GPR35: variants seen among roughly 807,000 people sequenced by gnomAD.
GPR35 encodes KYNA receptor.
For synonymous variants in GPR35, 207 were observed against 198.4 expected (o/e 1.04, Z -0.36); for missense variants, 372 against 422.5 (o/e 0.88, Z 1.05).
intron 2 of GPR35, among the ~76,000 whole-genome samples, chr2:240,611,002 T>C (rs942542153): frequency 6.6e-6 from 1 of 150,652 alleles, no homozygotes; most frequent in Admixed American, 6.6e-5. Context: ...GCATGAACTC[T>C]GCTCACTACA....
At position 240,629,196 on chromosome 2, in the gene GPR35, C is replaced by T. The variant is rs143121693; in HGVS notation, c.-4-753C>T. On this transcript the variant is annotated intron_variant, in intron 1 of 1. Transcript: ENST00000407714. ...GAGGATACTCAGCTCCACCCCTGGG[C>T]GGCCCCTGAGCAGCACGACTGGGCC... 7.2e-3 allele frequency: 1,094 copies of T among 152,502 alleles called. 12 individuals carry two copies. Among genetic ancestry groups the T allele is most frequent in the Non-Finnish European group, 9.3e-3 (633 of 68,202 alleles). The allele number at this position is 152,502 out of a possible 1,614,324, so 9.4% of individuals were successfully genotyped here. A position where few individuals can be genotyped will look rare whatever the true frequency, so the allele number is the denominator to read the frequency against.
chr2:240,611,682 G>A (rs890965213), intron 2 of GPR35, among the ~76,000 whole-genome samples: 1 of 152,208 alleles, frequency 6.6e-6, no homozygotes, highest in African/African-American at 2.4e-5. Context: ...GCTGGATGAT[G>A]TGGTCAGTTT....
chr2:240,624,126 G>A (rs2043341167), upstream of GPR35, among the ~76,000 whole-genome samples: 1 of 152,198 alleles, frequency 6.6e-6, no homozygotes, highest in African/African-American at 2.4e-5. Flanking sequence ...GCCGTGCCCT[G>A]CACCTCCAGT....
exon 5 of GPR35, chr2:240,618,944 T>C (rs2043265031): frequency 1.4e-6 from 1 of 702,582 alleles, no homozygotes; most frequent in East Asian, 2.7e-5. Flanking sequence ...TTGGGAGAGA[T>C]GCTGAGTGGT....
chr2:240,613,977 A>G (rs112584619), intron 2 of GPR35, among the ~76,000 whole-genome samples: 302 of 151,980 alleles, frequency 2.0e-3, no homozygotes, highest in African/African-American at 7.0e-3. Context: ...CTTAACCCTA[A>G]CCATAACACC....
upstream of GPR35, among the ~76,000 whole-genome samples, chr2:240,623,886 G>A (rs1436855095): frequency 6.6e-6 from 1 of 152,164 alleles, no homozygotes; most frequent in Non-Finnish European, 1.5e-5. Context: ...TGTGTGAGGA[G>A]CACAGGTGCC....
chr2:240,623,115 G>GT (rs2043316994), upstream of GPR35, among the ~76,000 whole-genome samples: 1 of 152,236 alleles, frequency 6.6e-6, no homozygotes, highest in South Asian at 2.1e-4. Flanking sequence ...GGCACTCGCA[G>GT]CCCCGCGGCC....
intron 2 of GPR35, among the ~76,000 whole-genome samples, chr2:240,612,000 G>A (rs1349292019): frequency 6.6e-6 from 1 of 152,048 alleles, no homozygotes; most frequent in Non-Finnish European, 1.5e-5. Flanking sequence ...GTGTCATGGA[G>A]GCCACACGAG....
chr2:240,625,886 T>C (rs1284863268), intron 1 of GPR35, among the ~76,000 whole-genome samples: 12 of 79,522 alleles, frequency 1.5e-4, no homozygotes, highest in South Asian at 4.8e-4. Context: ...GAGGCTGTGA[T>C]GGGGGTCTCA....
chr2:240,630,514 G>T lies in GPR35; in HGVS notation c.562G>T (p.Val188Phe). 1.2e-6 allele frequency: 2 copies of T among 1,612,914 alleles called. No homozygotes were observed. The highest frequency in any genetic ancestry group is 1.7e-6 in the Non-Finnish European group (2 of 1,179,962). ...ATTCTACCTGCCCCTGGCCGTGGTGGTCTTCTGCTCCCTGAAGGTGGTGAC... is the reference window on the plus strand; with the variant it reads ...ATTCTACCTGCCCCTGGCCGTGGTGTTCTTCTGCTCCCTGAAGGTGGTGAC... ...LGFYLPLAVV[V>F]FCSLKVVTAL... The change falls in exon 2 of 2, where the codon GTC (valine) becomes TTC (phenylalanine). Residue 188 changes from valine to phenylalanine, a missense_variant. Physicochemically the swap from Val to Phe is conservative, Grantham distance 50. Transcript: ENST00000407714.
chr2:240,620,097 G>A (rs190677666), intron 5 of GPR35, among the ~76,000 whole-genome samples: 12 of 152,300 alleles, frequency 7.9e-5, no homozygotes, highest in Admixed American at 5.9e-4. Flanking sequence ...AAAGCCGCTG[G>A]AAATAGCAGA....
At chr2:240,611,785 CG>C (rs1477388009) in intron 2 of GPR35, among the ~76,000 whole-genome samples, 10 of 152,112 alleles carry the variant, frequency 6.6e-5, no homozygotes, top group Non-Finnish European at 1.0e-4. Context: ...GGGCAGTGTC[CG>C]GGGCTGGAGC....
upstream of GPR35, among the ~76,000 whole-genome samples, chr2:240,622,569 A>G (rs1441634707): frequency 6.6e-6 from 1 of 152,222 alleles, no homozygotes; most frequent in African/African-American, 2.4e-5. Context: ...ATGTTTTAAG[A>G]AAGTTTACAA....
chr2:240,629,873 G>A (rs1030059765), intron 1 of GPR35, 76 bp from the exon 2 acceptor site: 3 of 1,269,898 alleles, frequency 2.4e-6, no homozygotes, highest in Admixed American at 3.9e-5. Context: ...CCTGCCCAGA[G>A]GTGGGCAGAG....
At chr2:240,615,523 G>A (rs1346502905) in intron 2 of GPR35, among the ~76,000 whole-genome samples, 2 of 152,218 alleles carry the variant, frequency 1.3e-5, no homozygotes, top group African/African-American at 2.4e-5. Flanking sequence ...AAGCAGAAGT[G>A]TAATAACCCC....
chr2:240,622,681 T>C (rs2043309491), upstream of GPR35, among the ~76,000 whole-genome samples: 1 of 152,236 alleles, frequency 6.6e-6, no homozygotes. Flanking sequence ...CCGGCAGCTC[T>C]AGCTGGAGAA....
intron 1 of GPR35, among the ~76,000 whole-genome samples, chr2:240,606,128 G>T (rs929010217): frequency 2.6e-5 from 4 of 152,202 alleles, no homozygotes; most frequent in Admixed American, 2.6e-4. Context: ...CACATAGACA[G>T]CACTGCCTCA....
rs2043454939 is a variant in GPR35 at position 240,632,109 on chromosome 2, G to A, written c.*1227G>A. Among the ~76,000 whole-genome samples the A allele has an allele frequency of 6.6e-6, 1 of 152,148 alleles. No homozygotes were observed. The highest frequency in any genetic ancestry group is 6.5e-5 in the Admixed American group (1 of 15,272). ...AGCAGGAGGGCCTCATTCCCAGGAG[G>A]GTCCCGTGCCCAGGAGGGCTCTATG... On this transcript the variant is annotated 3_prime_UTR_variant, in exon 2 of 2. Coordinates refer to ENST00000407714, the MANE Select transcript of GPR35 (RefSeq NM_005301.5).
chr2:240,610,795 C>A (rs902781048), intron 2 of GPR35, among the ~76,000 whole-genome samples: 2 of 151,718 alleles, frequency 1.3e-5, no homozygotes, highest in Non-Finnish European at 2.9e-5. Context: ...CCACCACGCC[C>A]GGCTAATTTT....
Sources: allele counts gnomAD v4.1 joint callset (sites outside exome capture counted in the v4.1 genomes callset), GRCh38; gene constraint gnomAD v4.1.1; transcripts MANE v1.5; gene names NCBI Gene and HGNC (gene_info 2026-07-23, HGNC 2026-07-21).